DPYD: variants seen among roughly 807,000 people sequenced by gnomAD.
The protein encoded by DPYD is dihydropyrimidine dehydrogenase [NADP(+)].
In DPYD, 109 loss-of-function variants were observed where a neutral mutation model predicts 116.2. That is an observed-to-expected ratio of 0.94 (90% CI 0.80 to 1.10). DPYD has a LOEUF of 1.10. DPYD is among the 50% of genes least tolerant of loss of function. The pLI, the probability that DPYD is intolerant of heterozygous loss-of-function variation, is 0.00. For synonymous variants in DPYD, 440 were observed against 432.0 expected, an observed-to-expected ratio of 1.02 and a Z score of -0.23; for missense variants, 1,302 against 1,254.5, an observed-to-expected ratio of 1.04 and a Z score of -0.57.
chr1:97,086,043 T>C (rs1649487313), intron 21 of DPYD, among the ~76,000 whole-genome samples: 1 of 152,064 alleles, frequency 6.6e-6, no homozygotes, highest in Non-Finnish European at 1.5e-5. Context: ...TTAAAAGTTG[T>C]CGTTGTTTTG....
Position 97,375,539 on chromosome 1 carries a change from A to G in DPYD, c.1975-1895T>C, listed in dbSNP as rs1418876703. On this transcript the variant is annotated intron_variant, in intron 15 of 22. Transcript: ENST00000370192. Reference sequence around the variant, plus strand: ...ATCCGATTTTAAAGGTCTTCATGTTATTTGAGAGTTGCTGAAAACCATGCT... The same window carrying G: ...ATCCGATTTTAAAGGTCTTCATGTTGTTTGAGAGTTGCTGAAAACCATGCT... 3.3e-5 allele frequency among the ~76,000 whole-genome samples: 5 copies of G among 152,168 alleles called. No homozygotes were observed. In the East Asian group the frequency reaches 7.7e-4, roughly 23 times the overall value.
intron 3 of DPYD, among the ~76,000 whole-genome samples, chr1:97,811,125 C>A (rs1004491443): frequency 2.0e-5 from 3 of 152,060 alleles, no homozygotes; most frequent in Admixed American, 6.6e-5. Context: ...ACTCCCCTGT[C>A]AAATCTTCCT....
At chr1:97,401,395 C>T (rs977408609) in intron 14 of DPYD, among the ~76,000 whole-genome samples, 1 of 152,004 alleles carries the variant, frequency 6.6e-6, no homozygotes, top group African/African-American at 2.4e-5. Flanking sequence ...CTCACTGCAA[C>T]CTCCGCCTCC....
In DPYD at chr1:97,288,311, C is replaced by G. The variant is rs1035708891; in HGVS notation, c.2299+16948G>C. ...AAGTTAACAAGGATACACAGGAATTCAACTCAGCTCTGCACCAAGGGGACC... is the reference window on the plus strand; with the variant it reads ...AAGTTAACAAGGATACACAGGAATTGAACTCAGCTCTGCACCAAGGGGACC... On this transcript the variant is annotated intron_variant, in intron 18 of 22. Coordinates refer to ENST00000370192, the MANE Select transcript of DPYD (RefSeq NM_000110.4). 4.2e-3 allele frequency among the ~76,000 whole-genome samples: 637 copies of G among 150,976 alleles called. 5 individuals carry two copies. Among genetic ancestry groups the G allele is most frequent in the African/African-American group, 0.014 (560 of 41,164 alleles).
intron 11 of DPYD, among the ~76,000 whole-genome samples, chr1:97,562,784 T>A (rs1652243538): frequency 6.6e-6 from 1 of 152,180 alleles, no homozygotes; most frequent in South Asian, 2.1e-4. Context: ...AGTGGCATGA[T>A]CTTGGCTCGC....
chr1:97,886,224 C>G (rs1461805109), intron 1 of DPYD, among the ~76,000 whole-genome samples: 1 of 152,040 alleles, frequency 6.6e-6, no homozygotes, highest in Non-Finnish European at 1.5e-5. Flanking sequence ...GCTCAAAACA[C>G]AGAGCTCGCT....
intron 3 of DPYD, among the ~76,000 whole-genome samples, chr1:97,804,319 T>C (rs1463966206): frequency 7.9e-5 from 12 of 151,740 alleles, no homozygotes; most frequent in Admixed American, 7.9e-4. Flanking sequence ...TAAAGACACA[T>C]ATAGAATTTT....
chr1:97,864,521 C>G (rs368752956), intron 2 of DPYD, among the ~76,000 whole-genome samples: 1 of 151,480 alleles, frequency 6.6e-6, no homozygotes, highest in Non-Finnish European at 1.5e-5. Context: ...TCTCTTTTTT[C>G]TCTCTCTCTC....
intron 16 of DPYD, among the ~76,000 whole-genome samples, chr1:97,344,424 G>A (rs1669734507): frequency 6.6e-6 from 1 of 151,838 alleles, no homozygotes; most frequent in South Asian, 2.1e-4. Flanking sequence ...AGAAATGAAA[G>A]TTCTCCTTTC....
intron 21 of DPYD, among the ~76,000 whole-genome samples, chr1:97,087,649 A>ATT (rs1328994157): frequency 6.6e-6 from 1 of 151,994 alleles, no homozygotes; most frequent in Admixed American, 6.6e-5. Flanking sequence ...TGATCACTGT[A>ATT]TTTTTTCTAT....
At chr1:97,599,173 G>T (rs1655085848) in intron 8 of DPYD, among the ~76,000 whole-genome samples, 1 of 152,152 alleles carries the variant, frequency 6.6e-6, no homozygotes, top group Non-Finnish European at 1.5e-5. Flanking sequence ...ATCCCTTTCT[G>T]AAATGTTTTC....
chr1:97,611,954 C>A (rs773444358), intron 8 of DPYD, among the ~76,000 whole-genome samples: 26 of 151,962 alleles, frequency 1.7e-4, no homozygotes, highest in Non-Finnish European at 3.7e-4. Flanking sequence ...GCAAGGACTG[C>A]GTTAGGAAAT....
chr1:97,180,996 A>G (rs1023886761), intron 20 of DPYD, among the ~76,000 whole-genome samples: 1 of 152,156 alleles, frequency 6.6e-6, no homozygotes, highest in Non-Finnish European at 1.5e-5. Flanking sequence ...CAAAAAGCAC[A>G]TTGCTGCCCA....
intron 9 of DPYD, 128 bp from the exon 10 acceptor site, chr1:97,593,515 T>C: frequency 9.8e-7 from 1 of 1,019,180 alleles, no homozygotes; most frequent in Non-Finnish European, 1.5e-6. Flanking sequence ...AGTGTCACTA[T>C]CAAATTATTC....
At chr1:97,257,913 A>G (rs1479022190) in intron 18 of DPYD, among the ~76,000 whole-genome samples, 1 of 152,132 alleles carries the variant, frequency 6.6e-6, no homozygotes, top group Non-Finnish European at 1.5e-5. Flanking sequence ...AATGATCATG[A>G]CAAATCAGAG....
At chr1:97,889,600 A>G (rs926757511) in intron 1 of DPYD, among the ~76,000 whole-genome samples, 1 of 152,040 alleles carries the variant, frequency 6.6e-6, no homozygotes, top group Non-Finnish European at 1.5e-5. Context: ...TGTGCCTAAC[A>G]ACAAGGCCCA....
At chr1:97,239,203 T>G (rs552441341) in intron 18 of DPYD, among the ~76,000 whole-genome samples, 9 of 152,288 alleles carry the variant, frequency 5.9e-5, no homozygotes, top group African/African-American at 1.7e-4. Flanking sequence ...ATTCTTGAAT[T>G]GATTCATGTT....
chr1:97,498,872 T>A (rs1679418304), intron 13 of DPYD, among the ~76,000 whole-genome samples: 1 of 151,662 alleles, frequency 6.6e-6, no homozygotes, highest in African/African-American at 2.4e-5. Flanking sequence ...GATTAAAATT[T>A]AATAGAAAAC....
At chr1:97,714,890 GTT>G (rs1180211162) in intron 5 of DPYD, among the ~76,000 whole-genome samples, 4 of 152,242 alleles carry the variant, frequency 2.6e-5, no homozygotes, top group East Asian at 3.9e-4. Flanking sequence ...GCAAGTAAGA[GTT>G]TGTGAAATAA....
Sources: gnomAD v4.1 joint callset for allele counts (sites outside exome capture counted in the v4.1 genomes callset) on GRCh38, gnomAD v4.1.1 for gene constraint, MANE v1.5 for transcripts, NCBI Gene and HGNC (gene_info 2026-07-23, HGNC 2026-07-21) for gene names.